The following PRDM14 variants were observed in gnomAD, a reference collection of about 807,000 sequenced individuals.
PRDM14 encodes PR domain zinc finger protein 14.
A neutral mutation model predicts 48.0 loss-of-function variants in PRDM14; 16 were observed. That is an observed-to-expected ratio of 0.33 (90% CI 0.23 to 0.51). PRDM14 has a LOEUF of 0.51. Ranked by LOEUF, PRDM14 falls within the 20% of genes least tolerant of loss-of-function variation. PRDM14 has a pLI of 0.97. For missense variants in PRDM14, 566 were observed against 719.6 expected (o/e 0.79, Z 2.44); for synonymous variants, 264 against 276.6 (o/e 0.95, Z 0.45).
At chr8:70,068,632 C>T (rs1201780574) in intron 2 of PRDM14, 100 bp from the exon 3 acceptor site, 10 of 950,254 alleles carry the variant, frequency 1.1e-5, no homozygotes, top group Admixed American at 2.0e-5. Flanking sequence ...TAACCATCAT[C>T]CCAGTTTGAT....
chr8:70,066,098 C>G, intron 5 of PRDM14, 137 bp downstream of exon 5: 1 of 953,684 alleles, frequency 1.0e-6, no homozygotes, highest in Non-Finnish European at 1.6e-6. Context: ...GTAATTCCCC[C>G]CTGGTTAGAG....
chr8:70,053,868 T>C (rs1056633406), intron 7 of PRDM14, among the ~76,000 whole-genome samples: 1 of 152,198 alleles, frequency 6.6e-6, no homozygotes, highest in Non-Finnish European at 1.5e-5. Context: ...ACTCAGTGAC[T>C]GAAAACATAA....
chr8:70,058,710 C>T lies in PRDM14; in HGVS notation c.1316G>A (p.Arg439Gln), dbSNP rs1242917883. The T allele has an allele frequency of 6.2e-7, 1 of 1,614,096 alleles. No individual in the cohort carries two copies. Among genetic ancestry groups the T allele is most frequent in the East Asian group, 2.2e-5 (1 of 44,876 alleles). ...DRKFPCSLCK[R>Q]SFEKRDRLRI... ...AAGCCGGTCCCGCTTCTCAAAGGAT[C>T]GTTTGCAGAGAGAACAGGGAAATTT... Residue 439 changes from arginine (R) to glutamine (Q), a missense_variant, in exon 6 of 8, where the codon CGA (arginine) becomes CAA (glutamine). By Grantham distance (43) the Arg-to-Gln change is conservative. Transcript: ENST00000276594.
intron 7 of PRDM14, among the ~76,000 whole-genome samples, chr8:70,054,368 A>G (rs1805435896): frequency 1.3e-5 from 2 of 152,188 alleles, no homozygotes; most frequent in Admixed American, 1.3e-4. Flanking sequence ...TTATCCAACA[A>G]CTTGGTAAAG....
At chr8:70,058,521 G>C in intron 6 of PRDM14, 119 bp downstream of exon 6, 1 of 793,266 alleles carries the variant, frequency 1.3e-6, no homozygotes, top group Non-Finnish European at 2.1e-6. Flanking sequence ...CCTTCAGAGA[G>C]GGTGTCCGTC....
At chr8:70,061,712 G>A (rs1032073389) in intron 5 of PRDM14, among the ~76,000 whole-genome samples, 1 of 152,100 alleles carries the variant, frequency 6.6e-6, no homozygotes, top group East Asian at 1.9e-4. Context: ...TTTCAATACT[G>A]AGTTCGCTTA....
In PRDM14 at chr8:70,052,158, G is replaced by GC; in HGVS notation, c.1634dup (p.Cys546LeufsTer24). The GC allele has an allele frequency of 6.2e-7, 1 of 1,613,468 alleles. No homozygotes were observed. The highest frequency in any genetic ancestry group is 8.5e-7 in the Non-Finnish European group (1 of 1,179,906). On this transcript the variant is annotated frameshift_variant, in exon 8 of 8. Transcript: ENST00000276594. LOFTEE classifies it low-confidence loss of function (END_TRUNC). The stretch of plus-strand genomic sequence containing the variant: ...TTTTCCCACAGATGCTGCATGAGCA[G>GC]CCATCATCCTCCTTGTGTGAACGCC...
At chr8:70,052,708 T>C (rs1424310373) in intron 7 of PRDM14, among the ~76,000 whole-genome samples, 8 of 151,822 alleles carry the variant, frequency 5.3e-5, no homozygotes. Context: ...CTACTAAAAA[T>C]ACAAAAATTA....
At chr8:70,069,931 G>A in intron 1 of PRDM14, 47 bp from the exon 2 acceptor site, 2 of 1,251,286 alleles carry the variant, frequency 1.6e-6, no homozygotes, top group Non-Finnish European at 2.2e-6. Flanking sequence ...GGAGCTTCCC[G>A]GGGTCCGACC....
Position 70,058,613 on chromosome 8 carries a change from T to A in PRDM14, c.1386+27A>T, listed in dbSNP as rs538246832. 3 of 1,598,106 alleles carry A rather than the reference T, an allele frequency of 1.9e-6. No individual in the cohort carries two copies. The African/African-American group carries it at 4.0e-5, about 21-fold the overall frequency. On this transcript the variant is annotated intron_variant, in intron 6 of 7. Coordinates refer to ENST00000276594, the MANE Select transcript of PRDM14 (RefSeq NM_024504.4). ...TGGGAAGGGAGAGAGAACGTGATGG[T>A]GGGTCATGTGTCCTCCTAATACTCA... is the stretch of plus-strand genomic sequence containing the variant.
At chr8:70,052,698 C>T (rs1454822285) in intron 7 of PRDM14, among the ~76,000 whole-genome samples, 1 of 151,948 alleles carries the variant, frequency 6.6e-6, no homozygotes, top group Non-Finnish European at 1.5e-5. Context: ...AACCCCATCT[C>T]TACTAAAAAT....
chr8:70,070,722 G>A (rs1805752498), intron 1 of PRDM14, among the ~76,000 whole-genome samples: 1 of 152,222 alleles, frequency 6.6e-6, no homozygotes, highest in Non-Finnish European at 1.5e-5. Context: ...CTGGCCAGGT[G>A]GGAGCGAAGA....
In PRDM14 at chr8:70,069,612, G is replaced by T. The variant is rs1201630400; in HGVS notation, c.249C>A (p.Gly83=). The change falls in exon 2 of 8, where the codon GGC becomes GGA. Residue 83 remains glycine, a synonymous_variant. Transcript: ENST00000276594. ...MAPPLLSPGL[G]LQREPLYDLP... ...GATCGTAGAGAGGCTCCCTCTGTAG[G>T]CCCAGACCCGGGCTCAGCAAGGGAG... 2 of 1,582,544 alleles carry T rather than the reference G, an allele frequency of 1.3e-6. No homozygotes were observed. Among genetic ancestry groups the T allele is most frequent in the Admixed American group, 3.7e-5 (2 of 54,492 alleles).
At position 70,051,654 on chromosome 8, in the gene PRDM14, C is replaced by G. The variant is rs112932353; in HGVS notation, c.*423G>C. On this transcript the variant is annotated 3_prime_UTR_variant, in exon 8 of 8. Coordinates refer to ENST00000276594, the MANE Select transcript of PRDM14 (RefSeq NM_024504.4). ...CCTCCCAAAGTGTTGGAATAACAGG[C>G]GTGAGCCACCACACACAGCCAACTG... 2.1e-3 allele frequency: 324 copies of G among 156,084 alleles called. 1 individual carries two copies. Among genetic ancestry groups the G allele is most frequent in the African/African-American group, 7.4e-3 (307 of 41,702 alleles). 9.7% of individuals were successfully genotyped at this position (156,084 alleles called of 1,614,324 possible).
chr8:70,066,093 TC>T (rs1805662282), intron 5 of PRDM14, 141 bp downstream of exon 5: 9 of 897,534 alleles, frequency 1.0e-5, no homozygotes, highest in Admixed American at 2.5e-5. Flanking sequence ...CCTGGGTAAT[TC>T]CCCCCTGGTT....
At chr8:70,065,538 C>T (rs541246137) in intron 5 of PRDM14, among the ~76,000 whole-genome samples, 36 of 152,200 alleles carry the variant, frequency 2.4e-4, no homozygotes, top group Non-Finnish European at 1.6e-4. Flanking sequence ...AAATCCTGGG[C>T]CCCTACCCTG....
intron 1 of PRDM14, 77 bp from the exon 2 acceptor site, chr8:70,069,961 C>T (rs1336861858): frequency 1.2e-5 from 10 of 821,454 alleles, no homozygotes; most frequent in Non-Finnish European, 1.7e-5. Flanking sequence ...CCACCAGCCT[C>T]CTCCACCCCA....
intron 5 of PRDM14, among the ~76,000 whole-genome samples, chr8:70,064,668 G>C (rs1406909922): frequency 6.6e-6 from 1 of 151,780 alleles, no homozygotes; most frequent in East Asian, 1.9e-4. Context: ...GGGACTACAG[G>C]GGCCCGCCAC....
At position 70,069,182 on chromosome 8, in the gene PRDM14, G is replaced by C; in HGVS notation, c.679C>G (p.Leu227Val). 1 of 1,518,896 alleles carries C rather than the reference G, an allele frequency of 6.6e-7. No individual in the cohort carries two copies. The highest frequency in any genetic ancestry group is 2.3e-5 in the East Asian group (1 of 43,658). 94.1% of individuals were successfully genotyped at this position (1,518,896 alleles called of 1,614,324 possible). A position where few individuals can be genotyped will look rare whatever the true frequency, so the allele number is the denominator to read the frequency against. The change falls in exon 2 of 8, where the codon CTG becomes GTG. Residue 227 changes from leucine to valine, a missense_variant. Transcript: ENST00000276594. ...ASLHHAISGL[L>V]VPPDSSGSDS... ...TTACCAGAGCTGTCTGGGGGGACCA[G>C]GAGGCCTGAAATCGCATGGTGCAGG...
Sources: gnomAD v4.1 joint callset for allele counts (sites outside exome capture counted in the v4.1 genomes callset) on GRCh38, gnomAD v4.1.1 for gene constraint, MANE v1.5 for transcripts, NCBI Gene and HGNC (gene_info 2026-07-23, HGNC 2026-07-21) for gene names.